Variants in ZNG1B observed in about 807,000 individuals in gnomAD.
ZNG1B encodes the protein zinc-regulated GTPase metalloprotein activator 1B.
chr2:113,475,722 A>G, the ZNG1B span, among the ~76,000 whole-genome samples: 188 of 152,040 alleles, frequency 1.2e-3, no homozygotes, highest in Non-Finnish European at 2.3e-3. Flanking sequence ...TTGTCTGTAA[A>G]GTATTTTATT....
At chr2:113,443,311 A>G in the ZNG1B span, among the ~76,000 whole-genome samples, 1 of 151,932 alleles carries the variant, frequency 6.6e-6, no homozygotes, top group South Asian at 2.1e-4. Context: ...CTCATTGGGA[A>G]TATTCAGCAG....
At chr2:113,438,037 C>T in the ZNG1B span, 1 of 1,611,864 alleles carries the variant, frequency 6.2e-7, no homozygotes, top group Admixed American at 1.7e-5. Context: ...CTAACCATCC[C>T]AGTCACAAAA....
chr2:113,473,675 T>G, the ZNG1B span, among the ~76,000 whole-genome samples: 1 of 147,664 alleles, frequency 6.8e-6, no homozygotes, highest in Admixed American at 6.8e-5. Context: ...ATACCTAATT[T>G]ATTGAGAGTT....
chr2:113,495,907 A>G, the ZNG1B span: 5 of 795,836 alleles, frequency 6.3e-6, no homozygotes, highest in Non-Finnish European at 9.2e-6. Flanking sequence ...ACTGTAAAAC[A>G]TTTAACATTC....
chr2:113,490,652 A>G, the ZNG1B span, among the ~76,000 whole-genome samples: 1 of 152,224 alleles, frequency 6.6e-6, no homozygotes, highest in South Asian at 2.1e-4. Context: ...GGGAGATATT[A>G]CAACTGACAC....
chr2:113,462,800 C>T, the ZNG1B span: 1 of 465,200 alleles, frequency 2.1e-6, no homozygotes, highest in Non-Finnish European at 3.7e-6. Flanking sequence ...TAACTTTACC[C>T]AGGATGGTTA....
At chr2:113,470,645 A>C in the ZNG1B span, 1 of 260,178 alleles carries the variant, frequency 3.8e-6, no homozygotes, top group Non-Finnish European at 7.4e-6. Flanking sequence ...GAGGGGGCAT[A>C]AAAGAAATAC....
chr2:113,484,949 G>A, the ZNG1B span, among the ~76,000 whole-genome samples: 1 of 151,894 alleles, frequency 6.6e-6, no homozygotes, highest in African/African-American at 2.4e-5. Flanking sequence ...ACAGGCATGA[G>A]CCACTGTGCC....
the ZNG1B span, chr2:113,437,769 C>T: frequency 6.5e-7 from 1 of 1,535,244 alleles, no homozygotes; most frequent in Admixed American, 1.7e-5. Context: ...TGACGTCAGG[C>T]CCCGGGCAGG....
chr2:113,438,392 C>G, the ZNG1B span, among the ~76,000 whole-genome samples: 1 of 151,978 alleles, frequency 6.6e-6, no homozygotes, highest in Non-Finnish European at 1.5e-5. Flanking sequence ...GAAACAGGGC[C>G]GGAACCACCT....
the ZNG1B span, among the ~76,000 whole-genome samples, chr2:113,454,510 A>G: frequency 2.4e-4 from 36 of 150,234 alleles, no homozygotes; most frequent in South Asian, 1.9e-3. Flanking sequence ...TTTGTTTTAT[A>G]TCTTCTCTAG....
chr2:113,461,336 C>T, the ZNG1B span, among the ~76,000 whole-genome samples: 1 of 152,160 alleles, frequency 6.6e-6, no homozygotes, highest in African/African-American at 2.4e-5. Context: ...CCCGCCTCGG[C>T]CTCCCAAAGT....
the ZNG1B span, among the ~76,000 whole-genome samples, chr2:113,472,513 G>T: frequency 1.3e-3 from 199 of 151,896 alleles, no homozygotes; most frequent in African/African-American, 4.7e-3. Flanking sequence ...GTCAATTTTG[G>T]CTTTTGTTGC....
At chr2:113,445,995 A>G in the ZNG1B span, among the ~76,000 whole-genome samples, 1 of 152,026 alleles carries the variant, frequency 6.6e-6, no homozygotes, top group Non-Finnish European at 1.5e-5. Context: ...TTTTCAAAGT[A>G]GTATTGAATT....
At chr2:113,489,888 TAGAC>T in the ZNG1B span, among the ~76,000 whole-genome samples, 34 of 147,152 alleles carry the variant, frequency 2.3e-4, no homozygotes, top group African/African-American at 3.8e-4. Flanking sequence ...CCTAAAAAAT[TAGAC>T]AGACAGCAAC....
the ZNG1B span, among the ~76,000 whole-genome samples, chr2:113,462,161 C>T: frequency 2.0e-5 from 3 of 152,024 alleles, no homozygotes; most frequent in Non-Finnish European, 2.9e-5. Context: ...AAATACTTTG[C>T]GAATGGGTAA....
the ZNG1B span, among the ~76,000 whole-genome samples, chr2:113,476,982 C>T: frequency 1.3e-5 from 2 of 152,224 alleles, no homozygotes; most frequent in Admixed American, 1.3e-4. Context: ...TGTGTCTGTG[C>T]CCTGCCCCCA....
At chr2:113,459,103 A>C in the ZNG1B span, among the ~76,000 whole-genome samples, 2 of 152,162 alleles carry the variant, frequency 1.3e-5, no homozygotes, top group Non-Finnish European at 2.9e-5. Flanking sequence ...ATTATGAAAA[A>C]AATATTAAAC....
the ZNG1B span, among the ~76,000 whole-genome samples, chr2:113,472,323 A>T: frequency 6.6e-6 from 1 of 151,652 alleles, no homozygotes; most frequent in Non-Finnish European, 1.5e-5. Flanking sequence ...CCACTTTTTG[A>T]TGGGGTTGTT....
Sources: allele counts gnomAD v4.1 joint callset (sites outside exome capture counted in the v4.1 genomes callset), GRCh38; gene constraint gnomAD v4.1.1; transcripts MANE v1.5; gene names NCBI Gene and HGNC (gene_info 2026-07-23, HGNC 2026-07-21).